VPS37A: variants seen among roughly 807,000 people sequenced by gnomAD.
VPS37A encodes the protein vacuolar protein sorting-associated protein 37A.
VPS37A carries 30 observed loss-of-function variants against 49.8 expected under a neutral mutation model. That is an observed-to-expected ratio of 0.60 (90% CI 0.45 to 0.82). The LOEUF is 0.82. Ranked by LOEUF, VPS37A falls within the 40% of genes least tolerant of loss-of-function variation. The pLI is 0.00. For missense variants in VPS37A, 593 were observed against 464.4 expected (o/e 1.28, Z -2.55); for synonymous variants, 195 against 160.6 (o/e 1.21, Z -1.62).
chr8:17,279,570 T>C (rs1008122734), intron 6 of VPS37A, among the ~76,000 whole-genome samples: 3 of 152,114 alleles, frequency 2.0e-5, no homozygotes, highest in African/African-American at 7.2e-5. Context: ...AGTGATATTC[T>C]CAAGCAATTA....
At chr8:17,266,131 T>C in intron 2 of VPS37A, 150 bp downstream of exon 2, 1 of 726,562 alleles carries the variant, frequency 1.4e-6, no homozygotes, top group Non-Finnish European at 2.2e-6. Flanking sequence ...AATAAAAATA[T>C]TCGAAAGCTA....
At chr8:17,312,619 C>T in the VPS37A span, among the ~76,000 whole-genome samples, 1 of 147,996 alleles carries the variant, frequency 6.8e-6, no homozygotes, top group Non-Finnish European at 1.5e-5. Context: ...TCTCCCCCAG[C>T]AGAATATAAG....
At chr8:17,317,794 T>G in the VPS37A span, among the ~76,000 whole-genome samples, 1 of 152,182 alleles carries the variant, frequency 6.6e-6, no homozygotes, top group Admixed American at 6.5e-5. Flanking sequence ...CGCCATAAAT[T>G]GCAGCTTTTT....
chr8:17,266,889 C>T lies in VPS37A; in HGVS notation c.200+908C>T, dbSNP rs1240729205. ...CCGGGTTCAAGCGATTCTCCTGCCT[C>T]AGCTTCTTGAGTAGCTGGGATTACA... is the stretch of plus-strand genomic sequence containing the variant. On this transcript the variant is annotated intron_variant, in intron 2 of 11. Transcript: ENST00000324849. Among the ~76,000 whole-genome samples the T allele has an allele frequency of 2.6e-5, 4 of 152,162 alleles. 1 individual carries two copies. The highest frequency in any genetic ancestry group is 1.3e-4 in the Admixed American group (2 of 15,278).
intron 1 of VPS37A, among the ~76,000 whole-genome samples, chr8:17,254,595 G>C (rs543844871): frequency 6.6e-6 from 1 of 151,952 alleles, no homozygotes; most frequent in South Asian, 2.1e-4. Flanking sequence ...TTATGTTTTG[G>C]ATTGTGATTT....
At position 17,247,040 on chromosome 8, in the gene VPS37A, C is replaced by G; in HGVS notation, c.-205C>G. 1.5e-6 allele frequency: 1 copy of G among 659,072 alleles called. No individual in the cohort carries two copies. Among genetic ancestry groups the G allele is most frequent in the Admixed American group, 3.0e-5 (1 of 33,760 alleles). 40.8% of individuals were successfully genotyped at this position (659,072 alleles called of 1,614,324 possible). On this transcript the variant is annotated 5_prime_UTR_variant, in exon 1 of 12. Transcript: ENST00000324849. ...ACCTCCTGTTCCGGGCCGCAAGTTT[C>G]CCTCTCCAGCCGCCCGCCGTTCGTA...
chr8:17,311,417 G>A, the VPS37A span: 1 of 1,526,758 alleles, frequency 6.5e-7, no homozygotes, highest in South Asian at 1.2e-5. Context: ...AAATAATGCT[G>A]GCAAGAAAAC....
At chr8:17,268,004 G>A (rs1335205887) in intron 2 of VPS37A, among the ~76,000 whole-genome samples, 1 of 152,160 alleles carries the variant, frequency 6.6e-6, no homozygotes, top group Non-Finnish European at 1.5e-5. Flanking sequence ...TTGGCATGAT[G>A]TGAAGAATAT....
At chr8:17,290,634 A>G (rs1172415554) in intron 11 of VPS37A, among the ~76,000 whole-genome samples, 3 of 152,094 alleles carry the variant, frequency 2.0e-5, no homozygotes, top group Non-Finnish European at 4.4e-5. Flanking sequence ...TTGGCCTGAA[A>G]TTTTCTTTTG....
chr8:17,273,032 T>A lies in VPS37A; in HGVS notation c.417-1701T>A, dbSNP rs1215375140. Among the ~76,000 whole-genome samples the A allele has an allele frequency of 2.0e-5, 3 of 146,508 alleles. No individual in the cohort carries two copies. The South Asian group carries it at 6.5e-4, about 32-fold the overall frequency. On this transcript the variant is annotated intron_variant, in intron 4 of 11. Transcript: ENST00000324849. ...GCATATTTTGCCCTTCCTTTTTTTT[T>A]TTTTTTTTTTTTTTTTGGTGGAGGG...
Position 17,280,131 on chromosome 8 carries a change from G to A in VPS37A, c.817G>A (p.Val273Ile), listed in dbSNP as rs1814904408. 3 of 1,612,472 alleles carry A rather than the reference G, an allele frequency of 1.9e-6. No individual in the cohort carries two copies. In the African/African-American group the frequency reaches 4.0e-5, roughly 22 times the overall value. The change falls in exon 7 of 12, where the codon GTA becomes ATA. Residue 273 changes from valine to isoleucine, a missense_variant. By Grantham distance (29) the Val-to-Ile change is conservative. Coordinates refer to ENST00000324849, the MANE Select transcript of VPS37A (RefSeq NM_152415.3). ...AATTATTACCGACAAAGATGACTTA[G>A]TAAAAAGTATTGAGGAACTAGCAAG... ...KQIITDKDDL[V>I]KSIEELARKN...
At chr8:17,249,484 A>G (rs1563231379) in intron 1 of VPS37A, among the ~76,000 whole-genome samples, 1 of 152,220 alleles carries the variant, frequency 6.6e-6, no homozygotes, top group Non-Finnish European at 1.5e-5. Context: ...TTTTATAAAA[A>G]CACTTGAAGT....
downstream of VPS37A, among the ~76,000 whole-genome samples, chr8:17,302,713 C>T (rs987339900): frequency 3.7e-4 from 28 of 76,208 alleles, 3 homozygotes; most frequent in African/African-American, 1.0e-3. Context: ...ACCCCCCCCC[C>T]CCCGCTTTTT....
At chr8:17,308,590 T>TGTGA in the VPS37A span, among the ~76,000 whole-genome samples, 1 of 152,172 alleles carries the variant, frequency 6.6e-6, no homozygotes, top group African/African-American at 2.4e-5. Flanking sequence ...AATTTAAATT[T>TGTGA]TATCACCAAA....
intron 1 of VPS37A, among the ~76,000 whole-genome samples, chr8:17,252,550 A>G (rs564792068): frequency 2.0e-5 from 3 of 152,294 alleles, no homozygotes; most frequent in Non-Finnish European, 4.4e-5. Flanking sequence ...AAGGCAGAAG[A>G]TTTCCCCTAT....
the VPS37A span, among the ~76,000 whole-genome samples, chr8:17,322,664 A>G: frequency 6.6e-6 from 1 of 152,132 alleles, no homozygotes; most frequent in Non-Finnish European, 1.5e-5. Flanking sequence ...TACAAAAAAT[A>G]AAAATAAAAA....
At chr8:17,304,102 T>G (rs1010510481), downstream of VPS37A, among the ~76,000 whole-genome samples, 8 of 152,224 alleles carry the variant, frequency 5.3e-5, no homozygotes, top group Admixed American at 5.2e-4. Flanking sequence ...TCTCTTTCAT[T>G]TGCTTTTAAA....
At chr8:17,285,582 C>G (rs1342622344) in intron 10 of VPS37A, among the ~76,000 whole-genome samples, 1 of 152,132 alleles carries the variant, frequency 6.6e-6, no homozygotes, top group Non-Finnish European at 1.5e-5. Context: ...GAGACATACA[C>G]ACACACATAC....
chr8:17,298,101 A>G (rs1425028369), downstream of VPS37A: 2 of 152,068 alleles, frequency 1.3e-5, no homozygotes, highest in Non-Finnish European at 2.9e-5. Flanking sequence ...TTAAAGCCAC[A>G]TCCTCAATAT....
Sources: gnomAD v4.1 joint callset for allele counts (sites outside exome capture counted in the v4.1 genomes callset) on GRCh38, gnomAD v4.1.1 for gene constraint, MANE v1.5 for transcripts, NCBI Gene and HGNC (gene_info 2026-07-23, HGNC 2026-07-21) for gene names.